Variants in AGAP3 observed in about 807,000 individuals in gnomAD.
AGAP3 encodes arf-GAP with GTPase, ANK repeat and PH domain-containing protein 3.
A neutral mutation model predicts 96.9 loss-of-function variants in AGAP3; 24 were observed. That is an observed-to-expected ratio of 0.25 (90% CI 0.18 to 0.35). The LOEUF (loss-of-function observed/expected upper bound fraction) is 0.35. AGAP3 is among the 10% of genes least tolerant of loss of function. AGAP3 has a pLI of 1.00. For missense variants in AGAP3, 876 were observed against 1,254.2 expected (o/e 0.70, Z 4.55); for synonymous variants, 563 against 536.1 (o/e 1.05, Z -0.69).
intron 1 of AGAP3, among the ~76,000 whole-genome samples, chr7:151,100,953 G>C (rs1284106795): frequency 6.6e-6 from 1 of 152,218 alleles, no homozygotes; most frequent in African/African-American, 2.4e-5. Context: ...GCCCTGGCCT[G>C]GTGGGTGGGT....
At chr7:151,094,156 G>A (rs1339039719) in intron 1 of AGAP3, among the ~76,000 whole-genome samples, 1 of 152,166 alleles carries the variant, frequency 6.6e-6, no homozygotes, top group East Asian at 1.9e-4. Context: ...TGAGGATTGA[G>A]ACCCCCAACG....
Position 151,139,236 on chromosome 7 carries a change from G to A in AGAP3, c.1667-743G>A, listed in dbSNP as rs941102023. Among the ~76,000 whole-genome samples, 11 of 152,338 alleles carry A rather than the reference G, an allele frequency of 7.2e-5. No individual in the cohort carries two copies. The highest frequency in any genetic ancestry group is 2.4e-4 in the African/African-American group (10 of 41,582). ...GAGCCCTCCCAGTAGGAGCCCTGAG[G>A]CCCAGCCTCTGAGCTGCCATGGCCT... is the stretch of plus-strand genomic sequence containing the variant. On this transcript the variant is annotated intron_variant, in intron 12 of 17. Coordinates refer to ENST00000397238, the MANE Select transcript of AGAP3 (RefSeq NM_031946.7). This position sits in a 1 kb window ranked among gnomAD's most constrained non-coding sequence, Gnocchi z 4.9.
chr7:151,096,821 C>G lies in AGAP3; in HGVS notation c.331+9749C>G, dbSNP rs1798622426. Reference sequence around the variant, plus strand: ...CGAGACAGAGTCTTGCTTTGTTTCCCAGGCTGGAGTGTAGTGGTATGATCT... The same window carrying G: ...CGAGACAGAGTCTTGCTTTGTTTCCGAGGCTGGAGTGTAGTGGTATGATCT... On this transcript the variant is annotated intron_variant, in intron 1 of 17. Coordinates refer to ENST00000397238, the MANE Select transcript of AGAP3 (RefSeq NM_031946.7). The surrounding 1 kb of genome is among the most constrained non-coding windows in gnomAD (Gnocchi z 4.4). Among the ~76,000 whole-genome samples the G allele has an allele frequency of 6.6e-6, 1 of 151,612 alleles. No homozygotes were observed. The highest frequency in any genetic ancestry group is 2.4e-5 in the African/African-American group (1 of 41,240).
intron 1 of AGAP3, among the ~76,000 whole-genome samples, chr7:151,105,776 G>A (rs899155701): frequency 1.0e-4 from 1 of 9,838 alleles, no homozygotes. Flanking sequence ...CCTCCATTCC[G>A]CCCCCCCCCC....
At chr7:151,105,194 CAG>C (rs1455500253) in intron 1 of AGAP3, among the ~76,000 whole-genome samples, 1 of 152,220 alleles carries the variant, frequency 6.6e-6, no homozygotes, top group African/African-American at 2.4e-5. Flanking sequence ...GAGTCTGACT[CAG>C]AGGATTTTCC....
intron 1 of AGAP3, among the ~76,000 whole-genome samples, chr7:151,103,395 T>A (rs958156592): frequency 6.6e-6 from 1 of 152,224 alleles, no homozygotes; most frequent in African/African-American, 2.4e-5. Context: ...GAGATCCTCT[T>A]AAGCGGACAG....
Position 151,108,587 on chromosome 7 carries a change from C to A in AGAP3, c.332-8206C>A, listed in dbSNP as rs1210873181. Among the ~76,000 whole-genome samples the A allele has an allele frequency of 6.6e-6, 1 of 152,198 alleles. No individual in the cohort carries two copies. The highest frequency in any genetic ancestry group is 1.9e-4 in the East Asian group (1 of 5,198). ...GCCTCAGAGCAGCCTTCGGAGGGTC[C>A]CAAGGATGTAGGCTGGGTCCTACGC... On this transcript the variant is annotated intron_variant, in intron 1 of 17. Coordinates refer to ENST00000397238, the MANE Select transcript of AGAP3 (RefSeq NM_031946.7). The surrounding 1 kb of genome is among the most constrained non-coding windows in gnomAD (Gnocchi z 4.2).
intron 9 of AGAP3, among the ~76,000 whole-genome samples, chr7:151,127,254 T>C (rs1366055160): frequency 6.6e-6 from 1 of 152,190 alleles, no homozygotes; most frequent in East Asian, 1.9e-4. Flanking sequence ...GCCGTTTCCT[T>C]GTGCCTGCAT....
chr7:151,114,621 C>T lies in AGAP3; in HGVS notation c.332-2172C>T. The T allele has an allele frequency of 2.6e-6, 2 of 763,646 alleles. No homozygotes were observed. Among genetic ancestry groups the T allele is most frequent in the South Asian group, 5.9e-5 (1 of 16,968 alleles). The allele number at this position is 763,646 out of a possible 1,614,324, so 47.3% of individuals were successfully genotyped here. On this transcript the variant is annotated intron_variant, in intron 1 of 17. Coordinates refer to ENST00000397238, the MANE Select transcript of AGAP3 (RefSeq NM_031946.7). The surrounding 1 kb of genome is among the most constrained non-coding windows in gnomAD (Gnocchi z 4.4). ...CCCGGCCTCTCCAGGTCTGGGCTTGCCGGCCGCGAGGTGGAGGAGTTGAGG... is the reference window on the plus strand; with the variant it reads ...CCCGGCCTCTCCAGGTCTGGGCTTGTCGGCCGCGAGGTGGAGGAGTTGAGG...
At chr7:151,137,344 C>T (rs1293628984) in intron 11 of AGAP3, among the ~76,000 whole-genome samples, 1 of 152,242 alleles carries the variant, frequency 6.6e-6, no homozygotes, top group Non-Finnish European at 1.5e-5. Flanking sequence ...AGGTTCGGCC[C>T]CCGTGTTCTT....
intron 1 of AGAP3, among the ~76,000 whole-genome samples, chr7:151,100,574 G>A (rs1410987366): frequency 6.6e-6 from 1 of 152,232 alleles, no homozygotes; most frequent in Non-Finnish European, 1.5e-5. Flanking sequence ...GTTCACACCT[G>A]TAGTCCCAGC....
rs531887630 is a variant in AGAP3 at position 151,108,065 on chromosome 7, G to A, written c.332-8728G>A. Among the ~76,000 whole-genome samples, 14 of 152,238 alleles carry A rather than the reference G, an allele frequency of 9.2e-5. No homozygotes were observed. The highest frequency in any genetic ancestry group is 1.9e-4 in the Non-Finnish European group (13 of 68,042). On this transcript the variant is annotated intron_variant, in intron 1 of 17. Transcript: ENST00000397238. The surrounding 1 kb of genome is among the most constrained non-coding windows in gnomAD (Gnocchi z 4.2). The stretch of plus-strand genomic sequence containing the variant: ...CTCTCCAGGGAGGAGCTGCTAGAAA[G>A]CAGAGCTAAGCCCACAGTTGCTGTT...
chr7:151,117,836 G>A (rs1799671230), intron 5 of AGAP3, 59 bp downstream of exon 5: 1 of 1,544,716 alleles, frequency 6.5e-7, no homozygotes, highest in Non-Finnish European at 8.7e-7. Context: ...AACGATGCAT[G>A]GGGGCAGGGG....
chr7:151,117,942 T>C, intron 5 of AGAP3, 165 bp downstream of exon 5: 2 of 1,069,326 alleles, frequency 1.9e-6, no homozygotes, highest in Non-Finnish European at 2.6e-6. Flanking sequence ...TGAGGGCTTT[T>C]GCCCCCACTG....
intron 1 of AGAP3, among the ~76,000 whole-genome samples, chr7:151,087,685 C>T (rs903264732): frequency 2.0e-5 from 3 of 152,228 alleles, no homozygotes; most frequent in South Asian, 2.1e-4. Context: ...GACGGGGATC[C>T]GCGGCTCCTC....
intron 9 of AGAP3, 60 bp downstream of exon 9, chr7:151,123,946 T>C: frequency 2.6e-6 from 4 of 1,527,834 alleles, no homozygotes; most frequent in Middle Eastern, 2.1e-4. Context: ...AATGTGGCGC[T>C]TCCCAGGGCC....
rs1362504131 is a variant in AGAP3, at chr7:151,118,444, T to C, written c.842-61T>C. On this transcript the variant is annotated intron_variant, in intron 6 of 17. Transcript: ENST00000397238. This position sits in a 1 kb window ranked among gnomAD's most constrained non-coding sequence, Gnocchi z 6.1. ...GCAAGGCTGTGTGTCTGGGGGGAGG[T>C]GCTAAGCCAGGCTTTTCCCTTCTCT... 1.9e-6 allele frequency: 3 copies of C among 1,601,282 alleles called. No individual in the cohort carries two copies. The highest frequency in any genetic ancestry group is 2.2e-5 in the East Asian group (1 of 44,558).
In AGAP3 at chr7:151,143,843, G is replaced by T; in HGVS notation, c.2636G>T (p.Cys879Phe). The T allele has an allele frequency of 6.2e-7, 1 of 1,614,034 alleles. No homozygotes were observed. The highest frequency in any genetic ancestry group is 8.5e-7 in the Non-Finnish European group (1 of 1,180,036). Residue 879 changes from cysteine (C) to phenylalanine (F), a missense_variant, in exon 18 of 18, where the codon TGC (cysteine) becomes TTC (phenylalanine). By Grantham distance (205) the Cys-to-Phe change is radical (BLOSUM62 -2). Transcript: ENST00000397238. This position sits in a 1 kb window ranked among gnomAD's most constrained non-coding sequence, Gnocchi z 5.9. ...GCAGACATCTTGATCCAGCATGGCTGCCCTGGGGAGGGCTGTGGCTTAGCG... is the reference window on the plus strand; with the variant it reads ...GCAGACATCTTGATCCAGCATGGCTTCCCTGGGGAGGGCTGTGGCTTAGCG... ...ECADILIQHG[C>F]PGEGCGLAPT...
At chr7:151,098,733 CTTT>C (rs34617813) in intron 1 of AGAP3, among the ~76,000 whole-genome samples, 5 of 116,132 alleles carry the variant, frequency 4.3e-5, no homozygotes, top group Non-Finnish European at 1.8e-5. Context: ...ATTTTCTTTT[CTTT>C]TTTTTTTTTT....
Sources: gnomAD v4.1 joint callset for allele counts (sites outside exome capture counted in the v4.1 genomes callset) on GRCh38, gnomAD v4.1.1 for gene constraint, Gnocchi (gnomAD v3.1) non-coding constraint, MANE v1.5 for transcripts, NCBI Gene and HGNC (gene_info 2026-07-23, HGNC 2026-07-21) for gene names.